Variants in AGPAT4 observed in about 807,000 individuals in gnomAD.
AGPAT4 encodes the protein 1-acylglycerol-3-phosphate O-acyltransferase 4, also known as 1-acyl-sn-glycerol-3-phosphate acyltransferase delta.
AGPAT4 carries 15 observed loss-of-function variants against 48.0 expected under a neutral mutation model. That is an observed-to-expected ratio of 0.31 (90% CI 0.21 to 0.48). The LOEUF is 0.48. Ranked by LOEUF, AGPAT4 falls within the 20% of genes least tolerant of loss-of-function variation. The pLI is 0.99. For missense variants in AGPAT4, 314 were observed against 482.5 expected (o/e 0.65, Z 3.27); for synonymous variants, 178 against 198.7 (o/e 0.90, Z 0.88).
rs1045368191 is a variant in AGPAT4, at chr6:161,204,454, C to A, written c.178+27582G>T. 2.0e-5 allele frequency among the ~76,000 whole-genome samples: 3 copies of A among 152,088 alleles called. No individual in the cohort carries two copies. Among genetic ancestry groups the A allele is most frequent in the African/African-American group, 7.2e-5 (3 of 41,414 alleles). On this transcript the variant is annotated intron_variant, in intron 2 of 8. Coordinates refer to ENST00000320285, the MANE Select transcript of AGPAT4 (RefSeq NM_020133.3). This position sits in a 1 kb window ranked among gnomAD's most constrained non-coding sequence, Gnocchi z 4.4. ...TAACCAATTTTATCACCAGTTCCAACCTTAAAGGTAAATACTTCAGTTACT... is the reference window on the plus strand; with the variant it reads ...TAACCAATTTTATCACCAGTTCCAAACTTAAAGGTAAATACTTCAGTTACT...
In AGPAT4 at chr6:161,246,929, C is replaced by T. The variant is rs1782666470; in HGVS notation, c.-89-14627G>A. On this transcript the variant is annotated intron_variant, in intron 1 of 8. Transcript: ENST00000320285. The surrounding 1 kb of genome is among the most constrained non-coding windows in gnomAD (Gnocchi z 5.5). ...CATAAACTGATAAAGTCCTGGGCTT[C>T]TTTCCCATTAACATTAAACACAGGG... Among the ~76,000 whole-genome samples the T allele has an allele frequency of 6.6e-6, 1 of 152,220 alleles. No individual in the cohort carries two copies. Among genetic ancestry groups the T allele is most frequent in the Non-Finnish European group, 1.5e-5 (1 of 68,038 alleles).
In AGPAT4 at chr6:161,135,739, T is replaced by A. The variant is rs1427584657; in HGVS notation, c.*801A>T. ...AGGCTGTACGTTCATGATGTTTGTG[T>A]TCAATTTCAAGATCCATTTCTTCAG... On this transcript the variant is annotated 3_prime_UTR_variant, in exon 9 of 9. Transcript: ENST00000320285. 1 of 152,300 alleles carries A rather than the reference T, an allele frequency of 6.6e-6. No individual in the cohort carries two copies. The highest frequency in any genetic ancestry group is 1.5e-5 in the Non-Finnish European group (1 of 68,084). 9.4% of individuals were successfully genotyped at this position (152,300 alleles called of 1,614,324 possible).
chr6:161,149,213 C>A lies in AGPAT4; in HGVS notation c.741G>T (p.Lys247Asn). Residue 247 changes from lysine to asparagine, a missense_variant, in exon 6 of 9, where the codon AAG becomes AAT. Physicochemically the swap from Lys to Asn is moderately conservative, Grantham distance 94. Coordinates refer to ENST00000320285, the MANE Select transcript of AGPAT4 (RefSeq NM_020133.3). The surrounding 1 kb of genome is among the most constrained non-coding windows in gnomAD (Gnocchi z 6.5). ...NPTLLGVLNG[K>N]KYHADLYVRR... The stretch of plus-strand genomic sequence containing the variant: ...TAACATACAAATCTGCATGGTATTT[C>A]TTTCCGTTTAGGACTCCCAGCAGTG... 6.2e-7 allele frequency: 1 copy of A among 1,613,718 alleles called. No individual in the cohort carries two copies. Among genetic ancestry groups the A allele is most frequent in the Non-Finnish European group, 8.5e-7 (1 of 1,179,998 alleles).
intron 2 of AGPAT4, among the ~76,000 whole-genome samples, chr6:161,183,260 G>T (rs1780651835): frequency 6.6e-6 from 1 of 152,064 alleles, no homozygotes; most frequent in African/African-American, 2.4e-5. Flanking sequence ...CTTGGATGTG[G>T]CAGGGAGCAA....
chr6:161,244,653 A>G lies in AGPAT4; in HGVS notation c.-89-12351T>C, dbSNP rs550560677. On this transcript the variant is annotated intron_variant, in intron 1 of 8. Transcript: ENST00000320285. The surrounding 1 kb of genome is among the most constrained non-coding windows in gnomAD (Gnocchi z 4.7). ...TGAGGATAATAATACTGAACCACCAAACAGAGATAGCGAACTGCATTCTCT... is the reference window on the plus strand; with the variant it reads ...TGAGGATAATAATACTGAACCACCAGACAGAGATAGCGAACTGCATTCTCT... 6.6e-5 allele frequency among the ~76,000 whole-genome samples: 10 copies of G among 152,280 alleles called. No individual in the cohort carries two copies. The highest frequency in any genetic ancestry group is 1.2e-4 in the Non-Finnish European group (8 of 68,022).
At position 161,263,108 on chromosome 6, in the gene AGPAT4, G is replaced by A. The variant is rs373656348; in HGVS notation, c.-90+10830C>T. ...AGGCAGACATATTCTCGGCGGCGGT[G>A]GGCGGGGTGTTTCTCACACCTGCCT... On this transcript the variant is annotated intron_variant, in intron 1 of 8. Coordinates refer to ENST00000320285, the MANE Select transcript of AGPAT4 (RefSeq NM_020133.3). Among the ~76,000 whole-genome samples the A allele has an allele frequency of 1.0e-4, 3 of 29,448 alleles. 1 individual carries two copies. The highest frequency in any genetic ancestry group is 8.8e-4 in the African/African-American group (2 of 2,264). 19.3% of individuals were successfully genotyped at this position (29,448 alleles called of 152,430 possible).
Position 161,154,752 on chromosome 6 carries a change from G to A in AGPAT4, c.349-442C>T, listed in dbSNP as rs190866528. 1.0e-3 allele frequency among the ~76,000 whole-genome samples: 152 copies of A among 152,342 alleles called. 1 individual carries two copies. The highest frequency in any genetic ancestry group is 3.4e-3 in the African/African-American group (143 of 41,572). ...GAGTTTTGTGATATTACAAAATATAGTAATTCTTGATCGCTGAAAATGTCA... is the reference window on the plus strand; with the variant it reads ...GAGTTTTGTGATATTACAAAATATAATAATTCTTGATCGCTGAAAATGTCA... On this transcript the variant is annotated intron_variant, in intron 3 of 8. Transcript: ENST00000320285. This position sits in a 1 kb window ranked among gnomAD's most constrained non-coding sequence, Gnocchi z 7.8.
chr6:161,146,652 T>A lies in AGPAT4; in HGVS notation c.768-53A>T, dbSNP rs1779439175. Reference sequence around the variant, plus strand: ...GAGGAGGTGATGCCCCCCTACAACATACAGTTTCCAGTAACGGTGCTGCCG... The same window carrying A: ...GAGGAGGTGATGCCCCCCTACAACAAACAGTTTCCAGTAACGGTGCTGCCG... On this transcript the variant is annotated intron_variant, in intron 6 of 8. Transcript: ENST00000320285. This position sits in a 1 kb window ranked among gnomAD's most constrained non-coding sequence, Gnocchi z 7.1. 2.6e-6 allele frequency: 4 copies of A among 1,559,812 alleles called. No individual in the cohort carries two copies. In the African/African-American group the frequency reaches 5.4e-5, roughly 21 times the overall value.
Position 161,144,598 on chromosome 6 carries a change from C to T in AGPAT4, c.843+1926G>A, listed in dbSNP as rs1351038255. On this transcript the variant is annotated intron_variant, in intron 7 of 8. Transcript: ENST00000320285. The surrounding 1 kb of genome is among the most constrained non-coding windows in gnomAD (Gnocchi z 6.6). ...TTGCCTTGATGGGCTTGAGGGCCCA[C>T]GTTTATTGTAGATTTGTTTGTGTGG... is the stretch of plus-strand genomic sequence containing the variant. 6.6e-6 allele frequency among the ~76,000 whole-genome samples: 1 copy of T among 152,128 alleles called. No homozygotes were observed. The highest frequency in any genetic ancestry group is 1.5e-5 in the Non-Finnish European group (1 of 68,028).
In AGPAT4 at chr6:161,219,872, T is replaced by TAGATAGATAGACAGGC. The variant is rs1375144242; in HGVS notation, c.178+12163_178+12164insGCCTGTCTATCTATCT. On this transcript the variant is annotated intron_variant, in intron 2 of 8. Coordinates refer to ENST00000320285, the MANE Select transcript of AGPAT4 (RefSeq NM_020133.3). The surrounding 1 kb of genome is among the most constrained non-coding windows in gnomAD (Gnocchi z 4.9). ...ATAGATAGATAGATAGATAGATAGATAGGCAGGCAGGCAGGCAGGCAGGCA... is the reference window on the plus strand; with the variant it reads ...ATAGATAGATAGATAGATAGATAGATAGATAGATAGACAGGCAGGCAGGCAGGCAGGCAGGCAGGCA... Among the ~76,000 whole-genome samples, 1 of 121,166 alleles carries TAGATAGATAGACAGGC rather than the reference T, an allele frequency of 8.3e-6. No homozygotes were observed. The highest frequency in any genetic ancestry group is 1.9e-5 in the Non-Finnish European group (1 of 53,806). 79.5% of individuals were successfully genotyped at this position (121,166 alleles called of 152,430 possible). A position where few individuals can be genotyped will look rare whatever the true frequency, so the allele number is the denominator to read the frequency against.
chr6:161,223,057 G>A lies in AGPAT4; in HGVS notation c.178+8979C>T, dbSNP rs1289785905. 6.6e-6 allele frequency among the ~76,000 whole-genome samples: 1 copy of A among 152,138 alleles called. No individual in the cohort carries two copies. The highest frequency in any genetic ancestry group is 2.4e-5 in the African/African-American group (1 of 41,434). The stretch of plus-strand genomic sequence containing the variant: ...TCGCTGCGCCCTGCACAGGATGGCT[G>A]GGCTGTCCCCTTCCCTGCACTCCCT... On this transcript the variant is annotated intron_variant, in intron 2 of 8. Transcript: ENST00000320285. This position sits in a 1 kb window ranked among gnomAD's most constrained non-coding sequence, Gnocchi z 6.3.
intron 8 of AGPAT4, among the ~76,000 whole-genome samples, chr6:161,136,992 CAG>C (rs1460700498): frequency 6.6e-6 from 1 of 152,198 alleles, no homozygotes; most frequent in Admixed American, 6.5e-5. Flanking sequence ...AGGAAGTTAA[CAG>C]GGCATGTTCA....
At chr6:161,153,229 C>T in intron 5 of AGPAT4, 117 bp downstream of exon 5, 1 of 1,373,730 alleles carries the variant, frequency 7.3e-7, no homozygotes, top group Non-Finnish European at 9.8e-7. Context: ...CCACTCTGAG[C>T]TCCTAGCCTC....
chr6:161,232,629 A>G lies in AGPAT4; in HGVS notation c.-89-327T>C, dbSNP rs540073550. Among the ~76,000 whole-genome samples, 12 of 152,258 alleles carry G rather than the reference A, an allele frequency of 7.9e-5. No individual in the cohort carries two copies. The South Asian group carries it at 2.5e-3, about 32-fold the overall frequency. The stretch of plus-strand genomic sequence containing the variant: ...TGGGCAGCAGCTGAGCCAGCCACGG[A>G]GCCCTGGGTCCCACTTGAGTGACGG... On this transcript the variant is annotated intron_variant, in intron 1 of 8. Transcript: ENST00000320285. The surrounding 1 kb of genome is among the most constrained non-coding windows in gnomAD (Gnocchi z 6.8).
rs569187792 is a variant in AGPAT4, at chr6:161,251,482, G to A, written c.-89-19180C>T. ...AACAAAGGAGGGCTCCACCAAGCTTGTGTGCCCCCAGCTCTTTCCTTGGCC... is the reference window on the plus strand; with the variant it reads ...AACAAAGGAGGGCTCCACCAAGCTTATGTGCCCCCAGCTCTTTCCTTGGCC... On this transcript the variant is annotated intron_variant, in intron 1 of 8. Transcript: ENST00000320285. The surrounding 1 kb of genome is among the most constrained non-coding windows in gnomAD (Gnocchi z 4.6). Among the ~76,000 whole-genome samples the A allele has an allele frequency of 6.6e-6, 1 of 152,334 alleles. No individual in the cohort carries two copies. Among genetic ancestry groups the A allele is most frequent in the South Asian group, 2.1e-4 (1 of 4,826 alleles).
chr6:161,226,252 G>A lies in AGPAT4; in HGVS notation c.178+5784C>T, dbSNP rs1332482781. ...ACTCCCTTTCTGACATCTTGGAGCT[G>A]AGTAACTACCTATCAGGACAAGTGA... On this transcript the variant is annotated intron_variant, in intron 2 of 8. Transcript: ENST00000320285. This position sits in a 1 kb window ranked among gnomAD's most constrained non-coding sequence, Gnocchi z 6.3. 1.3e-5 allele frequency among the ~76,000 whole-genome samples: 2 copies of A among 152,174 alleles called. No individual in the cohort carries two copies. The highest frequency in any genetic ancestry group is 4.8e-5 in the African/African-American group (2 of 41,436).
intron 2 of AGPAT4, among the ~76,000 whole-genome samples, chr6:161,199,083 G>C (rs921198561): frequency 6.7e-6 from 1 of 150,186 alleles, no homozygotes; most frequent in African/African-American, 2.4e-5. Flanking sequence ...AAGGATTCTA[G>C]TTTGGTAATT....
intron 2 of AGPAT4, among the ~76,000 whole-genome samples, chr6:161,183,976 C>G (rs1368453759): frequency 6.6e-6 from 1 of 151,896 alleles, no homozygotes; most frequent in Admixed American, 6.6e-5. Flanking sequence ...GGGTCTGGCT[C>G]TTACTCTTGG....
chr6:161,165,587 C>G lies in AGPAT4; in HGVS notation c.348+661G>C, dbSNP rs1251363925. On this transcript the variant is annotated intron_variant, in intron 3 of 8. Transcript: ENST00000320285. The surrounding 1 kb of genome is among the most constrained non-coding windows in gnomAD (Gnocchi z 5.5). ...ATTCCTACGGAATACCTGAGTACCGCAGATGACTCTGATTCAGCTATGTGA... is the reference window on the plus strand; with the variant it reads ...ATTCCTACGGAATACCTGAGTACCGGAGATGACTCTGATTCAGCTATGTGA... 2 of 1,298,906 alleles carry G rather than the reference C, an allele frequency of 1.5e-6. No individual in the cohort carries two copies. The highest frequency in any genetic ancestry group is 3.0e-5 in the African/African-American group (2 of 65,582). 80.5% of individuals were successfully genotyped at this position (1,298,906 alleles called of 1,614,324 possible).
Sources: allele counts gnomAD v4.1 joint callset (sites outside exome capture counted in the v4.1 genomes callset), GRCh38; gene constraint gnomAD v4.1.1; non-coding constraint Gnocchi (gnomAD v3.1); transcripts MANE v1.5; gene names NCBI Gene and HGNC (gene_info 2026-07-23, HGNC 2026-07-21).